The following NAV2 variants were observed in gnomAD, a reference collection of about 807,000 sequenced individuals.
The protein encoded by NAV2 is neuron navigator 2.
A neutral mutation model predicts 223.2 loss-of-function variants in NAV2; 54 were observed. The observed-to-expected ratio is 0.24, with a 90% CI of 0.19 to 0.30. The LOEUF (loss-of-function observed/expected upper bound fraction) is 0.30. Among genes scored for constraint, NAV2 ranks in the 10% least tolerant of loss-of-function variants. The pLI is 1.00. For missense variants in NAV2, 2,806 were observed against 3,147.5 expected (o/e 0.89, Z 2.60); for synonymous variants, 1,279 against 1,239.3 (o/e 1.03, Z -0.67).
intron 1 of NAV2, among the ~76,000 whole-genome samples, chr11:19,816,861 C>T (rs2059116925): frequency 6.6e-6 from 1 of 152,168 alleles, no homozygotes; most frequent in Non-Finnish European, 1.5e-5. Flanking sequence ...GGCCCTTCCG[C>T]CTCCCTCTTC....
chr11:19,600,899 A>G (rs1477426368), intron 1 of NAV2, among the ~76,000 whole-genome samples: 1 of 152,230 alleles, frequency 6.6e-6, no homozygotes, highest in Non-Finnish European at 1.5e-5. Flanking sequence ...GGCTTTCTGC[A>G]GCAGCATCAC....
At chr11:19,980,036 A>G (rs533214400) in intron 10 of NAV2, among the ~76,000 whole-genome samples, 2 of 152,322 alleles carry the variant, frequency 1.3e-5, no homozygotes, top group Admixed American at 1.3e-4. Flanking sequence ...GCTTACTAAC[A>G]ATGATGTATA....
At chr11:19,966,729 T>C (rs1353304540) in intron 10 of NAV2, among the ~76,000 whole-genome samples, 1 of 152,210 alleles carries the variant, frequency 6.6e-6, no homozygotes, top group Non-Finnish European at 1.5e-5. Context: ...TTGATGGACA[T>C]TGATGGTCTC....
chr11:19,623,522 T>G (rs1362448145), intron 1 of NAV2, among the ~76,000 whole-genome samples: 1 of 152,208 alleles, frequency 6.6e-6, no homozygotes. Flanking sequence ...ATTTGATCTT[T>G]AATCACTGAT....
intron 1 of NAV2, among the ~76,000 whole-genome samples, chr11:19,473,904 A>G (rs996876035): frequency 1.3e-5 from 2 of 152,208 alleles, no homozygotes; most frequent in African/African-American, 4.8e-5. Flanking sequence ...TTATGCTGAC[A>G]TAAAAGGTTA....
At position 19,886,773 on chromosome 11, in the gene NAV2, T is replaced by G. The variant is rs145169652; in HGVS notation, c.771-5661T>G. Among the ~76,000 whole-genome samples, 5 of 152,290 alleles carry G rather than the reference T, an allele frequency of 3.3e-5. No individual in the cohort carries two copies. In the East Asian group the frequency reaches 9.6e-4, roughly 29 times the overall value. ...AAGGCAGGGGGAAGAGAGGAAGCAC[T>G]GGAAGATGAGGGCGTGTCAACCCTG... On this transcript the variant is annotated intron_variant, in intron 5 of 37. Coordinates refer to ENST00000349880, the MANE Select transcript of NAV2 (RefSeq NM_145117.5).
chr11:19,464,287 G>T (rs560823900), intron 1 of NAV2, among the ~76,000 whole-genome samples: 57 of 152,258 alleles, frequency 3.7e-4, no homozygotes, highest in African/African-American at 1.3e-3. Flanking sequence ...ATTGTGAGGG[G>T]CTGGGGCCCG....
chr11:19,907,381 C>T (rs1253681280), intron 6 of NAV2, among the ~76,000 whole-genome samples: 1 of 152,212 alleles, frequency 6.6e-6, no homozygotes, highest in Non-Finnish European at 1.5e-5. Flanking sequence ...GACCAAGAAA[C>T]ACTGAATGAC....
At chr11:19,923,152 C>T (rs920099475) in intron 6 of NAV2, among the ~76,000 whole-genome samples, 6 of 152,238 alleles carry the variant, frequency 3.9e-5, no homozygotes, top group Admixed American at 1.3e-4. Flanking sequence ...TAATTGTCCT[C>T]GTAAGTGGCC....
In NAV2 at chr11:20,080,131, C is replaced by T. The variant is rs1202855695; in HGVS notation, c.5247C>T (p.Ser1749=). Residue 1749 remains serine, a synonymous_variant, in exon 25 of 38, where the codon AGC becomes AGT. Transcript: ENST00000349880. ...AGCACTCCTCAGACAGCGTCTCCAG[C>T]ATCAACAGTGCCACCAGCCACTCCA... is the stretch of plus-strand genomic sequence containing the variant. ...RRQHSSDSVS[S]INSATSHSSV... is the part of the protein sequence containing the mutation. The T allele has an allele frequency of 6.2e-6, 10 of 1,613,960 alleles. No individual in the cohort carries two copies. The highest frequency in any genetic ancestry group is 2.2e-5 in the East Asian group (1 of 44,872).
chr11:20,046,546 G>A (rs1433815766), intron 14 of NAV2, among the ~76,000 whole-genome samples: 1 of 149,758 alleles, frequency 6.7e-6, no homozygotes, highest in Non-Finnish European at 1.5e-5. Context: ...ATACTTTTAC[G>A]CTACTCCGGA....
chr11:19,452,452 C>G, intron 1 of NAV2, among the ~76,000 whole-genome samples: 1 of 152,172 alleles, frequency 6.6e-6, no homozygotes, highest in Non-Finnish European at 1.5e-5. Flanking sequence ...TGTCTAGCCA[C>G]CATCCTCTTC....
At chr11:19,367,532 A>C (rs938551109) in intron 1 of NAV2, among the ~76,000 whole-genome samples, 3 of 152,218 alleles carry the variant, frequency 2.0e-5, no homozygotes, top group Admixed American at 2.0e-4. Context: ...AAATACCAAG[A>C]GTATAAAGTG....
At chr11:19,634,160 C>G (rs926364941) in intron 1 of NAV2, among the ~76,000 whole-genome samples, 2 of 152,350 alleles carry the variant, frequency 1.3e-5, no homozygotes, top group Admixed American at 6.5e-5. Flanking sequence ...TTTCCCTGCA[C>G]TGGGCCTGGG....
intron 1 of NAV2, among the ~76,000 whole-genome samples, chr11:19,696,437 C>CTT (rs1298008562): frequency 1.3e-5 from 2 of 152,236 alleles, no homozygotes; most frequent in East Asian, 3.8e-4. Flanking sequence ...GTCTCCTTCT[C>CTT]TTTTGTGTGT....
At chr11:19,840,257 T>A (rs189987613) in intron 2 of NAV2, among the ~76,000 whole-genome samples, 1 of 152,350 alleles carries the variant, frequency 6.6e-6, no homozygotes, top group Admixed American at 6.5e-5. Flanking sequence ...TTTTGACTTT[T>A]GTAAAATGGA....
At chr11:19,988,521 C>T (rs1386351883) in intron 11 of NAV2, among the ~76,000 whole-genome samples, 3 of 146,424 alleles carry the variant, frequency 2.0e-5, no homozygotes, top group Non-Finnish European at 3.0e-5. Flanking sequence ...AGCCAGGAAA[C>T]CAAGCAGAAA....
Position 19,439,438 on chromosome 11 carries a change from C to T in NAV2, c.75+88411C>T, listed in dbSNP as rs76442762. Reference sequence around the variant, plus strand: ...CCCTGGATCATCCAGATGGGCACCACATAATCACACCGGTCCTTAGAAAAA... The same window carrying T: ...CCCTGGATCATCCAGATGGGCACCATATAATCACACCGGTCCTTAGAAAAA... On this transcript the variant is annotated intron_variant, in intron 1 of 37. Transcript: ENST00000360655. Among the ~76,000 whole-genome samples the T allele has an allele frequency of 2.7e-3, 406 of 152,232 alleles. 7 individuals are homozygous for T. The East Asian group carries it at 0.055, about 21-fold the overall frequency.
intron 1 of NAV2, among the ~76,000 whole-genome samples, chr11:19,780,086 G>A (rs1343882509): frequency 1.3e-5 from 2 of 152,206 alleles, no homozygotes; most frequent in Non-Finnish European, 2.9e-5. Context: ...AGGCTAATTG[G>A]ATCAAAAATA....
Sources: gnomAD v4.1 joint callset for allele counts (sites outside exome capture counted in the v4.1 genomes callset) on GRCh38, gnomAD v4.1.1 for gene constraint, MANE v1.5 for transcripts, NCBI Gene and HGNC (gene_info 2026-07-23, HGNC 2026-07-21) for gene names.